Variants in KCNIP4 observed in about 807,000 individuals in gnomAD.
The protein encoded by KCNIP4 is Kv channel-interacting protein 4.
KCNIP4 carries 12 observed loss-of-function variants against 34.0 expected under a neutral mutation model. The observed-to-expected ratio is 0.35, with a 90% CI of 0.23 to 0.57. The LOEUF is 0.57. KCNIP4 is among the 20% of genes least tolerant of loss of function. KCNIP4 has a pLI of 0.83. For missense variants in KCNIP4, 238 were observed against 311.7 expected (o/e 0.76, Z 1.78); for synonymous variants, 124 against 102.2 (o/e 1.21, Z -1.29).
chr4:21,847,263 T>C (rs1179955216), intron 1 of KCNIP4: 1 of 152,140 alleles, frequency 6.6e-6, no homozygotes, highest in Non-Finnish European at 1.5e-5. Context: ...CACTCAGTGC[T>C]GCACTTTTTA....
At chr4:21,575,011 G>A (rs1296846614) in intron 1 of KCNIP4, among the ~76,000 whole-genome samples, 3 of 152,166 alleles carry the variant, frequency 2.0e-5, no homozygotes, top group Admixed American at 6.6e-5. Flanking sequence ...TAATGTGTAT[G>A]TCATTATATA....
chr4:21,294,144 T>C (rs1763703333), intron 1 of KCNIP4, among the ~76,000 whole-genome samples: 1 of 152,208 alleles, frequency 6.6e-6, no homozygotes, highest in African/African-American at 2.4e-5. Context: ...CTCAACAAAG[T>C]GCTCATTAAG....
intron 1 of KCNIP4, among the ~76,000 whole-genome samples, chr4:21,236,993 G>C (rs1212462366): frequency 1.3e-5 from 2 of 149,908 alleles, no homozygotes; most frequent in Non-Finnish European, 1.5e-5. Context: ...GTGACAGAGG[G>C]AGACTCCATC....
chr4:21,449,712 A>ATT (rs1560417261), intron 1 of KCNIP4, among the ~76,000 whole-genome samples: 3 of 151,910 alleles, frequency 2.0e-5, no homozygotes, highest in Non-Finnish European at 4.4e-5. Flanking sequence ...TAAACTCCAT[A>ATT]AGTGCAGCAA....
intron 1 of KCNIP4, among the ~76,000 whole-genome samples, chr4:21,927,387 C>T (rs186577497): frequency 6.6e-6 from 1 of 152,256 alleles, no homozygotes; most frequent in East Asian, 1.9e-4. Flanking sequence ...ACCAAAGCAA[C>T]AGATCTGCTA....
At chr4:20,839,425 TC>T (rs1234254826) in intron 3 of KCNIP4, among the ~76,000 whole-genome samples, 1 of 150,868 alleles carries the variant, frequency 6.6e-6, no homozygotes, top group Non-Finnish European at 1.5e-5. Context: ...TATATTAGAT[TC>T]CCCTATTTTA....
At chr4:21,155,924 T>C (rs1164429724) in intron 1 of KCNIP4, among the ~76,000 whole-genome samples, 2 of 152,200 alleles carry the variant, frequency 1.3e-5, no homozygotes, top group East Asian at 3.8e-4. Flanking sequence ...TGTACACTTA[T>C]TTCAACAGAA....
intron 1 of KCNIP4, among the ~76,000 whole-genome samples, chr4:20,991,567 C>T (rs1040176017): frequency 2.0e-5 from 3 of 152,190 alleles, no homozygotes; most frequent in East Asian, 1.9e-4. Context: ...GCCAGGGAGA[C>T]GTGATCTAAA....
chr4:20,881,672 A>T (rs374734033), intron 2 of KCNIP4, among the ~76,000 whole-genome samples: 6 of 152,354 alleles, frequency 3.9e-5, no homozygotes, highest in African/African-American at 1.4e-4. Flanking sequence ...GAAAAAGAAG[A>T]TGGAGAATGT....
intron 1 of KCNIP4, among the ~76,000 whole-genome samples, chr4:21,078,735 T>A (rs975722185): frequency 6.6e-6 from 1 of 152,098 alleles, no homozygotes; most frequent in Non-Finnish European, 1.5e-5. Flanking sequence ...GAACTTGAGA[T>A]GTTTTAAGAG....
intron 1 of KCNIP4, among the ~76,000 whole-genome samples, chr4:21,727,699 C>T (rs919120785): frequency 2.0e-5 from 3 of 151,916 alleles, no homozygotes; most frequent in Non-Finnish European, 4.4e-5. Flanking sequence ...TATAGTGGTG[C>T]TCACCTGTAA....
intron 1 of KCNIP4, among the ~76,000 whole-genome samples, chr4:21,207,988 G>A (rs1756967787): frequency 2.0e-5 from 3 of 151,468 alleles, no homozygotes; most frequent in African/African-American, 4.8e-5. Flanking sequence ...GACTATAGGT[G>A]TACGCCACCA....
chr4:21,339,339 A>G (rs1214939934), intron 1 of KCNIP4, among the ~76,000 whole-genome samples: 2 of 152,250 alleles, frequency 1.3e-5, no homozygotes, highest in Non-Finnish European at 2.9e-5. Flanking sequence ...ACACGGTTTT[A>G]ATTCATAGAA....
At chr4:21,544,302 T>G (rs992116932) in intron 1 of KCNIP4, 1 of 152,086 alleles carries the variant, frequency 6.6e-6, no homozygotes, top group Non-Finnish European at 1.5e-5. Context: ...ACATAAAAAA[T>G]TTAAGACATT....
intron 1 of KCNIP4, among the ~76,000 whole-genome samples, chr4:21,895,989 A>T (rs193201168): frequency 5.9e-5 from 9 of 152,298 alleles, no homozygotes; most frequent in African/African-American, 2.2e-4. Flanking sequence ...GTTGGTGGAA[A>T]GCTGTTTGGT....
chr4:20,929,812 A>G (rs1730267614), intron 1 of KCNIP4, among the ~76,000 whole-genome samples: 1 of 151,980 alleles, frequency 6.6e-6, no homozygotes, highest in Non-Finnish European at 1.5e-5. Context: ...AAATTTAACC[A>G]TAAAGGTGAA....
chr4:20,731,529 T>A, intron 8 of KCNIP4: 1 of 985,418 alleles, frequency 1.0e-6, no homozygotes, highest in Non-Finnish European at 1.2e-6. Context: ...ATTAGTGAGT[T>A]CAGTCAAAGA....
At chr4:21,170,905 C>T (rs148461639) in intron 1 of KCNIP4, among the ~76,000 whole-genome samples, 90 of 152,126 alleles carry the variant, frequency 5.9e-4, no homozygotes, top group African/African-American at 1.9e-3. Flanking sequence ...CCTATATCTC[C>T]AAGTACTATA....
rs565895935 is a variant in KCNIP4, at chr4:21,689,046, G to C, written c.61+259525C>G. On this transcript the variant is annotated intron_variant, in intron 1 of 8. Transcript: ENST00000382152. ...GTTAACTGCTTCATATTTATTTGCTGTACTGGCAGGTTGACAGGGCAACTG... is the reference window on the plus strand; with the variant it reads ...GTTAACTGCTTCATATTTATTTGCTCTACTGGCAGGTTGACAGGGCAACTG... Among the ~76,000 whole-genome samples the C allele has an allele frequency of 2.0e-5, 3 of 152,072 alleles. No homozygotes were observed. In the East Asian group the frequency reaches 5.8e-4, roughly 30 times the overall value.
Sources: gnomAD v4.1 joint callset for allele counts (sites outside exome capture counted in the v4.1 genomes callset) on GRCh38, gnomAD v4.1.1 for gene constraint, MANE v1.5 for transcripts, NCBI Gene and HGNC (gene_info 2026-07-23, HGNC 2026-07-21) for gene names.